Variants in SLC7A2 observed in about 807,000 individuals in gnomAD.
The protein encoded by SLC7A2 is cationic amino acid transporter 2.
In SLC7A2, 48 loss-of-function variants were observed where a neutral mutation model predicts 58.9. The ratio of observed to expected loss-of-function variants is 0.82; its 90% confidence interval spans 0.65 to 1.04. The LOEUF (loss-of-function observed/expected upper bound fraction) is 1.04, where lower values mean the gene tolerates loss of function less well. Among genes scored for constraint, SLC7A2 ranks in the 50% least tolerant of loss-of-function variants. The pLI, the probability that SLC7A2 is intolerant of heterozygous loss-of-function variation, is 0.00. For synonymous variants in SLC7A2, 363 were observed against 314.5 expected (o/e 1.15, Z -1.63); for missense variants, 1,029 against 818.8 (o/e 1.26, Z -3.13).
chr8:17,518,075 A>C (rs147933279), intron 2 of SLC7A2, among the ~76,000 whole-genome samples: 1 of 152,172 alleles, frequency 6.6e-6, no homozygotes, highest in East Asian at 1.9e-4. Context: ...AAAGCAATGA[A>C]TCGTCTCTAT....
intron 12 of SLC7A2, 89 bp downstream of exon 12, chr8:17,563,800 T>C: frequency 1.3e-6 from 1 of 761,978 alleles, no homozygotes; most frequent in Non-Finnish European, 2.2e-6. Context: ...GAATAAAGGC[T>C]TTTTTTTCCC....
rs143953965 is a variant in SLC7A2 at position 17,541,342 on chromosome 8, A to G, written c.-22-1976A>G. Among the ~76,000 whole-genome samples, 1,156 of 152,312 alleles carry G rather than the reference A, an allele frequency of 7.6e-3. 9 individuals carry two copies. The highest frequency in any genetic ancestry group is 0.026 in the African/African-American group (1,094 of 41,550). Reference sequence around the variant, plus strand: ...GTAGAAATTGATAAACATTTGATTTATGGAAGCATTGATAGGTTTTGACGT... The same window carrying G: ...GTAGAAATTGATAAACATTTGATTTGTGGAAGCATTGATAGGTTTTGACGT... On this transcript the variant is annotated intron_variant, in intron 2 of 12. Coordinates refer to ENST00000494857, the MANE Select transcript of SLC7A2 (RefSeq NM_001370338.1).
chr8:17,528,104 C>T (rs1053420151), intron 2 of SLC7A2, among the ~76,000 whole-genome samples: 1 of 152,040 alleles, frequency 6.6e-6, no homozygotes, highest in Non-Finnish European at 1.5e-5. Flanking sequence ...GCTTAGTGTT[C>T]TGAGGAAGTT....
chr8:17,532,819 A>G (rs957962357), intron 2 of SLC7A2, among the ~76,000 whole-genome samples: 1 of 152,246 alleles, frequency 6.6e-6, no homozygotes, highest in African/African-American at 2.4e-5. Flanking sequence ...AAAAATTTTA[A>G]AAATATATCC....
chr8:17,530,053 C>A (rs137925684), intron 2 of SLC7A2, among the ~76,000 whole-genome samples: 1 of 152,086 alleles, frequency 6.6e-6, no homozygotes, highest in African/African-American at 2.4e-5. Flanking sequence ...TCTCTCTTGC[C>A]GGCTTCTCTT....
At chr8:17,527,132 G>T (rs1252052275) in intron 2 of SLC7A2, among the ~76,000 whole-genome samples, 3 of 151,880 alleles carry the variant, frequency 2.0e-5, no homozygotes, top group Non-Finnish European at 1.5e-5. Flanking sequence ...AGGTAGGTAG[G>T]GTACTTAATG....
At chr8:17,558,912 ATAGT>A (rs1563481643) in intron 9 of SLC7A2, among the ~76,000 whole-genome samples, 1 of 152,212 alleles carries the variant, frequency 6.6e-6, no homozygotes, top group African/African-American at 2.4e-5. Flanking sequence ...ATATAAAACT[ATAGT>A]TATATATAGT....
At chr8:17,523,856 C>T (rs188072811) in intron 2 of SLC7A2, among the ~76,000 whole-genome samples, 4 of 151,992 alleles carry the variant, frequency 2.6e-5, no homozygotes, top group Admixed American at 6.6e-5. Context: ...CTTTCACAGT[C>T]TATACATCTG....
intron 11 of SLC7A2, among the ~76,000 whole-genome samples, chr8:17,563,208 C>A (rs1424385697): frequency 6.6e-6 from 1 of 152,140 alleles, no homozygotes; most frequent in East Asian, 1.9e-4. Context: ...GTTAAACTAT[C>A]CTGTCCCATT....
At chr8:17,551,147 T>C (rs1036595768) in intron 6 of SLC7A2, among the ~76,000 whole-genome samples, 5 of 152,228 alleles carry the variant, frequency 3.3e-5, no homozygotes, top group African/African-American at 4.8e-5. Flanking sequence ...GCTGAACACT[T>C]AGTAGTGCTG....
At chr8:17,560,565 A>T in intron 10 of SLC7A2, 32 bp downstream of exon 10, 1 of 1,551,064 alleles carries the variant, frequency 6.4e-7, no homozygotes, top group Non-Finnish European at 8.9e-7. Flanking sequence ...CATTGTACAG[A>T]CCCAGAAGAT....
chr8:17,541,200 C>T (rs1228460333), intron 2 of SLC7A2, among the ~76,000 whole-genome samples: 1 of 152,180 alleles, frequency 6.6e-6, no homozygotes, highest in Admixed American at 6.5e-5. Context: ...CTACCTTTCC[C>T]ATCCCTCCTG....
chr8:17,523,849 TCA>T (rs546577103), intron 2 of SLC7A2, among the ~76,000 whole-genome samples: 85 of 151,952 alleles, frequency 5.6e-4, no homozygotes, highest in Non-Finnish European at 1.0e-3. Context: ...GAGAAAACTT[TCA>T]CAGTCTATAC....
rs143701037 is a variant in SLC7A2 at position 17,543,469 on chromosome 8, G to T, written c.130G>T (p.Val44Phe). 12 of 1,613,972 alleles carry T rather than the reference G, an allele frequency of 7.4e-6. No individual in the cohort carries two copies. Among genetic ancestry groups the T allele is most frequent in the African/African-American group, 1.3e-5 (1 of 74,880 alleles). The change falls in exon 3 of 13, where the codon GTT becomes TTT. Residue 44 changes from valine to phenylalanine, a missense_variant. Physicochemically the swap from Val to Phe is conservative, Grantham distance 50 (BLOSUM62 -1). Transcript: ENST00000494857. Reference protein sequence around the residue: ...LSTMDLIALGVGSTLGAGVYV... With the variant: ...LSTMDLIALGFGSTLGAGVYV... ...CACCATGGACCTCATTGCCCTGGGC[G>T]TTGGAAGCACCCTTGGGGCCGGGGT...
intron 2 of SLC7A2, among the ~76,000 whole-genome samples, chr8:17,518,118 G>T (rs1281813074): frequency 6.6e-6 from 1 of 151,904 alleles, no homozygotes; most frequent in Admixed American, 6.6e-5. Context: ...TCAAAGTCTG[G>T]GGTACAGTGG....
At chr8:17,538,293 C>G (rs1254548051) in intron 2 of SLC7A2, among the ~76,000 whole-genome samples, 1 of 152,170 alleles carries the variant, frequency 6.6e-6, no homozygotes, top group African/African-American at 2.4e-5. Context: ...GCACGAACTT[C>G]TCTGGAGAAA....
intron 3 of SLC7A2, among the ~76,000 whole-genome samples, chr8:17,544,166 G>A (rs1214401112): frequency 2.6e-5 from 4 of 152,114 alleles, no homozygotes; most frequent in South Asian, 2.1e-4. Flanking sequence ...CACGGCACCC[G>A]GCCACAAAAT....
chr8:17,530,306 A>G (rs544392602), intron 2 of SLC7A2, among the ~76,000 whole-genome samples: 2 of 152,166 alleles, frequency 1.3e-5, no homozygotes, highest in Non-Finnish European at 2.9e-5. Flanking sequence ...GGGAGCCGGG[A>G]CAGAGGGAGA....
intron 2 of SLC7A2, among the ~76,000 whole-genome samples, chr8:17,513,403 C>T (rs1311015717): frequency 6.6e-6 from 1 of 152,110 alleles, no homozygotes; most frequent in Non-Finnish European, 1.5e-5. Flanking sequence ...TTGCTCTAAA[C>T]TGAAACAAAA....
Sources: allele counts gnomAD v4.1 joint callset (sites outside exome capture counted in the v4.1 genomes callset), GRCh38; gene constraint gnomAD v4.1.1; transcripts MANE v1.5; gene names NCBI Gene and HGNC (gene_info 2026-07-23, HGNC 2026-07-21).